CDH18: variants seen among roughly 807,000 people sequenced by gnomAD.
CDH18 encodes the protein cadherin-18.
Under a neutral mutation model 67.9 loss-of-function variants are expected in CDH18, and 31 were observed. The ratio of observed to expected loss-of-function variants is 0.46; its 90% CI spans 0.34 to 0.62. CDH18 has a LOEUF of 0.62. Ranked by LOEUF, CDH18 falls within the 20% of genes least tolerant of loss-of-function variation. The pLI, the probability that CDH18 is intolerant of heterozygous loss-of-function variation, is 0.01. For synonymous variants in CDH18, 362 were observed against 347.2 expected (o/e 1.04, Z -0.48); for missense variants, 890 against 975.5 (o/e 0.91, Z 1.17).
intron 7 of CDH18, among the ~76,000 whole-genome samples, chr5:19,584,809 A>AAAG (rs1481895912): frequency 1.2e-4 from 17 of 146,968 alleles, no homozygotes; most frequent in South Asian, 4.3e-4. Flanking sequence ...AAAAAAAAAA[A>AAAG]AAAGAAAAAA....
chr5:19,493,471 T>C (rs1741797023), intron 11 of CDH18, among the ~76,000 whole-genome samples: 1 of 151,988 alleles, frequency 6.6e-6, no homozygotes, highest in African/African-American at 2.4e-5. Flanking sequence ...TAAATAATAA[T>C]TTGATGTGAG....
intron 1 of CDH18, among the ~76,000 whole-genome samples, chr5:20,259,973 C>CA (rs1029854859): frequency 4.0e-4 from 59 of 147,100 alleles, no homozygotes; most frequent in East Asian, 6.0e-4. Flanking sequence ...GTCTTACAAA[C>CA]AAAAAAAAAA....
At chr5:19,872,613 T>C (rs910908956) in intron 2 of CDH18, among the ~76,000 whole-genome samples, 2 of 152,138 alleles carry the variant, frequency 1.3e-5, no homozygotes, top group Non-Finnish European at 2.9e-5. Flanking sequence ...TGAAAGCAGA[T>C]TCTTCCCCAG....
intron 7 of CDH18, among the ~76,000 whole-genome samples, chr5:19,578,719 C>A (rs1241872695): frequency 6.6e-6 from 1 of 151,870 alleles, no homozygotes; most frequent in Non-Finnish European, 1.5e-5. Context: ...CTTTCAGAAG[C>A]ACTTAATTTG....
At chr5:20,356,798 T>C (rs1353329742) in intron 1 of CDH18, among the ~76,000 whole-genome samples, 1 of 149,380 alleles carries the variant, frequency 6.7e-6, no homozygotes, top group African/African-American at 2.5e-5. Flanking sequence ...TATACCTATG[T>C]ATGCGTATAT....
chr5:20,347,794 C>A (rs1026384939), intron 1 of CDH18, among the ~76,000 whole-genome samples: 7 of 152,168 alleles, frequency 4.6e-5, no homozygotes, highest in Admixed American at 3.3e-4. Flanking sequence ...TGTGCAGATG[C>A]AACACCCATA....
chr5:20,116,901 CAAAAG>C (rs1421570401), intron 2 of CDH18, among the ~76,000 whole-genome samples: 1 of 151,992 alleles, frequency 6.6e-6, no homozygotes, highest in Admixed American at 6.6e-5. Flanking sequence ...TAAAAGTAAA[CAAAAG>C]AAAACAACAT....
chr5:20,242,397 G>C (rs1008813043), intron 2 of CDH18, among the ~76,000 whole-genome samples: 5 of 150,944 alleles, frequency 3.3e-5, no homozygotes, highest in Non-Finnish European at 7.4e-5. Flanking sequence ...GCAGCCTCTG[G>C]TAACCATCAC....
rs1580884304 is a variant in CDH18, at chr5:19,689,806, T to C, written c.643+31541A>G. 2.0e-5 allele frequency among the ~76,000 whole-genome samples: 3 copies of C among 151,978 alleles called. No individual in the cohort carries two copies. The East Asian group carries it at 5.8e-4, about 29-fold the overall frequency. Reference sequence around the variant, plus strand: ...CTGAATATAAATAAATTAGACTTTTTACTTAAAATATTTAGACTGTCTGAA... The same window carrying C: ...CTGAATATAAATAAATTAGACTTTTCACTTAAAATATTTAGACTGTCTGAA... On this transcript the variant is annotated intron_variant, in intron 5 of 12. Coordinates refer to ENST00000382275, the MANE Select transcript of CDH18 (RefSeq NM_004934.5).
chr5:19,802,090 C>T (rs574513506), intron 3 of CDH18, among the ~76,000 whole-genome samples: 3 of 152,164 alleles, frequency 2.0e-5, no homozygotes, highest in East Asian at 1.9e-4. Flanking sequence ...ATAAATCATA[C>T]GTAAAAGAGA....
chr5:20,194,442 G>T (rs944856149), intron 2 of CDH18, among the ~76,000 whole-genome samples: 2 of 151,948 alleles, frequency 1.3e-5, no homozygotes, highest in African/African-American at 4.8e-5. Flanking sequence ...CTACAAAAAA[G>T]ACCTCACAAC....
At chr5:19,755,458 T>TATATAC (rs1290776275) in intron 3 of CDH18, among the ~76,000 whole-genome samples, 7 of 9,450 alleles carry the variant, frequency 7.4e-4, no homozygotes, top group African/African-American at 1.0e-3. Flanking sequence ...TATATATATA[T>TATATAC]ACACACACAC....
intron 1 of CDH18, among the ~76,000 whole-genome samples, chr5:20,494,915 C>A (rs963793645): frequency 1.3e-5 from 2 of 152,096 alleles, no homozygotes; most frequent in African/African-American, 4.8e-5. Flanking sequence ...GCCAAAGGAG[C>A]ATTCGGGGAT....
intron 12 of CDH18, among the ~76,000 whole-genome samples, chr5:19,481,825 T>C (rs1739471502): frequency 6.6e-6 from 1 of 152,126 alleles, no homozygotes; most frequent in Admixed American, 6.5e-5. Context: ...TTCATGTATG[T>C]CAGTACCATA....
chr5:20,540,970 T>G (rs1284696912), intron 1 of CDH18, among the ~76,000 whole-genome samples: 1 of 152,180 alleles, frequency 6.6e-6, no homozygotes, highest in Admixed American at 6.6e-5. Flanking sequence ...ACATTAGTGA[T>G]GACTGAGGAA....
chr5:20,042,941 G>A (rs1447388746), intron 2 of CDH18, among the ~76,000 whole-genome samples: 2 of 151,822 alleles, frequency 1.3e-5, no homozygotes, highest in African/African-American at 2.4e-5. Context: ...CAGCCTGGGC[G>A]ACAGAGCCAG....
chr5:19,596,935 C>A (rs1368125640), intron 6 of CDH18, among the ~76,000 whole-genome samples: 2 of 152,192 alleles, frequency 1.3e-5, no homozygotes, highest in Non-Finnish European at 2.9e-5. Flanking sequence ...TTTACCCATG[C>A]ATCCTGCTGA....
intron 1 of CDH18, among the ~76,000 whole-genome samples, chr5:20,396,159 G>A (rs188223229): frequency 1.0e-3 from 152 of 152,296 alleles, no homozygotes; most frequent in Non-Finnish European, 1.7e-3. Context: ...CCTGGGACTT[G>A]TGATTGGCAT....
At chr5:20,348,239 G>C (rs561331949) in intron 1 of CDH18, among the ~76,000 whole-genome samples, 112 of 152,114 alleles carry the variant, frequency 7.4e-4, no homozygotes, top group Non-Finnish European at 1.3e-3. Flanking sequence ...TTCATAGCAT[G>C]GAATAACAAA....
Sources: gnomAD v4.1 joint callset for allele counts (sites outside exome capture counted in the v4.1 genomes callset) on GRCh38, gnomAD v4.1.1 for gene constraint, MANE v1.5 for transcripts, NCBI Gene and HGNC (gene_info 2026-07-23, HGNC 2026-07-21) for gene names.